ZNF804A: variants seen among roughly 807,000 people sequenced by gnomAD.
ZNF804A encodes zinc finger protein 804A.
In ZNF804A, 2 loss-of-function variants were observed where a neutral mutation model predicts 16.5. The ratio of observed to expected loss-of-function variants is 0.12; its 90% CI spans 0.05 to 0.38. The LOEUF is 0.38. ZNF804A is among the 10% of genes least tolerant of loss of function. The pLI is 0.99. For missense variants in ZNF804A, 1,473 were observed against 1,390.7 expected, an observed-to-expected ratio of 1.06 and a Z score of -0.94; for synonymous variants, 534 against 489.6, an observed-to-expected ratio of 1.09 and a Z score of -1.20.
chr2:184,831,084 A>G (rs549371804), intron 1 of ZNF804A, among the ~76,000 whole-genome samples: 297 of 152,284 alleles, frequency 2.0e-3, no homozygotes, highest in Non-Finnish European at 3.5e-3. Context: ...TGAAAGCTAC[A>G]TTAAGAATAA....
chr2:184,861,200 C>G (rs761467416), intron 1 of ZNF804A, among the ~76,000 whole-genome samples: 2 of 152,162 alleles, frequency 1.3e-5, no homozygotes, highest in Non-Finnish European at 2.9e-5. Context: ...GTTCACATTC[C>G]TCTCCTTCCT....
chr2:184,776,550 A>C (rs1445367143), intron 1 of ZNF804A, among the ~76,000 whole-genome samples: 4 of 151,256 alleles, frequency 2.6e-5, no homozygotes, highest in Non-Finnish European at 5.9e-5. Context: ...TCTCTGTCAG[A>C]ATAATTATTC....
intron 1 of ZNF804A, among the ~76,000 whole-genome samples, chr2:184,701,004 T>C (rs1692910607): frequency 1.3e-5 from 2 of 151,890 alleles, no homozygotes; most frequent in African/African-American, 2.4e-5. Context: ...TTTGGAAAAA[T>C]AAAATACATT....
intron 1 of ZNF804A, among the ~76,000 whole-genome samples, chr2:184,843,295 C>G (rs1454781747): frequency 6.6e-6 from 1 of 152,052 alleles, no homozygotes; most frequent in Non-Finnish European, 1.5e-5. Context: ...CAGAGTCTCA[C>G]TCTGTTGCCC....
At chr2:184,636,772 T>C (rs1032084338) in intron 1 of ZNF804A, among the ~76,000 whole-genome samples, 2 of 152,160 alleles carry the variant, frequency 1.3e-5, no homozygotes, top group Non-Finnish European at 2.9e-5. Flanking sequence ...CCAGAGATTA[T>C]AGTTTACATT....
intron 1 of ZNF804A, among the ~76,000 whole-genome samples, chr2:184,846,924 T>A (rs1000553692): frequency 1.3e-5 from 2 of 152,120 alleles, no homozygotes; most frequent in Non-Finnish European, 2.9e-5. Context: ...CTGAGGCTTA[T>A]GGGAACTATC....
chr2:184,899,303 T>A (rs1685138967), intron 2 of ZNF804A, among the ~76,000 whole-genome samples: 2 of 152,044 alleles, frequency 1.3e-5, no homozygotes, highest in Admixed American at 1.3e-4. Context: ...CTCATTGAAG[T>A]TTGTGTCCCA....
chr2:184,880,314 C>G (rs1409352731), intron 2 of ZNF804A, among the ~76,000 whole-genome samples: 2 of 152,032 alleles, frequency 1.3e-5, no homozygotes, highest in African/African-American at 4.8e-5. Flanking sequence ...AAATCATCTA[C>G]AGAGATGCAG....
In ZNF804A at chr2:184,739,735, A is replaced by G. The variant is rs1693684880; in HGVS notation, c.112-126634A>G. Among the ~76,000 whole-genome samples the G allele has an allele frequency of 2.6e-5, 4 of 152,202 alleles. 1 individual carries two copies. The South Asian group carries it at 8.3e-4, about 32-fold the overall frequency. On this transcript the variant is annotated intron_variant, in intron 1 of 3. Transcript: ENST00000302277. Reference sequence around the variant, plus strand: ...GAACTAATGCAAAATACAGATATACAATAGCTTACCTCCATACACAACCAC... The same window carrying G: ...GAACTAATGCAAAATACAGATATACGATAGCTTACCTCCATACACAACCAC...
intron 1 of ZNF804A, among the ~76,000 whole-genome samples, chr2:184,693,677 T>C (rs1692769784): frequency 6.6e-6 from 1 of 152,170 alleles, no homozygotes; most frequent in Non-Finnish European, 1.5e-5. Context: ...TAATAGTTCC[T>C]ATATGTGCCT....
intron 1 of ZNF804A, among the ~76,000 whole-genome samples, chr2:184,831,279 G>T (rs543694461): frequency 2.0e-5 from 3 of 151,306 alleles, no homozygotes; most frequent in South Asian, 4.2e-4. Context: ...TATTAAATCA[G>T]TTTTTTTTGC....
At chr2:184,898,039 T>G (rs1685117383) in intron 2 of ZNF804A, among the ~76,000 whole-genome samples, 1 of 152,174 alleles carries the variant, frequency 6.6e-6, no homozygotes, top group Non-Finnish European at 1.5e-5. Context: ...TTTCTTACTG[T>G]AGAGGTTAAA....
intron 2 of ZNF804A, among the ~76,000 whole-genome samples, chr2:184,894,366 T>C (rs1685033394): frequency 1.3e-5 from 2 of 152,166 alleles, no homozygotes; most frequent in African/African-American, 4.8e-5. Flanking sequence ...ATGAATATTT[T>C]GTCTCTGAGA....
chr2:184,901,169 T>C (rs1685175953), intron 2 of ZNF804A, among the ~76,000 whole-genome samples: 1 of 152,160 alleles, frequency 6.6e-6, no homozygotes, highest in African/African-American at 2.4e-5. Context: ...AATACCTGTT[T>C]CTTAGACCAC....
At chr2:184,767,125 G>T (rs943777006) in intron 1 of ZNF804A, among the ~76,000 whole-genome samples, 1 of 152,114 alleles carries the variant, frequency 6.6e-6, no homozygotes, top group African/African-American at 2.4e-5. Flanking sequence ...CAAGACTGAG[G>T]AATACATTTC....
intron 1 of ZNF804A, among the ~76,000 whole-genome samples, chr2:184,677,622 A>G (rs991068986): frequency 1.1e-4 from 17 of 152,148 alleles, no homozygotes; most frequent in African/African-American, 3.4e-4. Context: ...AAAGTTCAGA[A>G]TATAACCCCA....
At chr2:184,810,993 A>C (rs966135650) in intron 1 of ZNF804A, among the ~76,000 whole-genome samples, 4 of 152,172 alleles carry the variant, frequency 2.6e-5, no homozygotes, top group Admixed American at 2.6e-4. Context: ...CACGCTCAAC[A>C]TTAATTTTTA....
chr2:184,737,068 T>G (rs1574187878), intron 1 of ZNF804A, among the ~76,000 whole-genome samples: 2 of 151,864 alleles, frequency 1.3e-5, no homozygotes, highest in African/African-American at 4.8e-5. Flanking sequence ...TTTTTTGTTT[T>G]TTTTTTGAGA....
chr2:184,800,948 GTGTCATTGTCATTTTTAT>G (rs1193115787), intron 1 of ZNF804A, among the ~76,000 whole-genome samples: 2 of 151,876 alleles, frequency 1.3e-5, no homozygotes, highest in East Asian at 3.9e-4. Flanking sequence ...TTTCTGAACT[GTGTCATTGTCATTTTTAT>G]TCTCCTTGAA....
Sources: gnomAD v4.1 joint callset for allele counts (sites outside exome capture counted in the v4.1 genomes callset) on GRCh38, gnomAD v4.1.1 for gene constraint, MANE v1.5 for transcripts, NCBI Gene and HGNC (gene_info 2026-07-23, HGNC 2026-07-21) for gene names.